Variants in SLC25A19 observed in about 807,000 individuals in gnomAD.
SLC25A19 encodes the protein solute carrier family 25 member 19, also known as mitochondrial thiamine pyrophosphate carrier.
In SLC25A19, 18 loss-of-function variants were observed where a neutral mutation model predicts 27.9. The ratio of observed to expected loss-of-function variants is 0.64; its 90% CI spans 0.45 to 0.96. SLC25A19 has a LOEUF of 0.96. Ranked by LOEUF, SLC25A19 falls within the 40% of genes least tolerant of loss-of-function variation. The pLI is 0.00. For missense variants in SLC25A19, 371 were observed against 418.3 expected, an observed-to-expected ratio of 0.89 and a Z score of 0.99; for synonymous variants, 169 against 167.1, an observed-to-expected ratio of 1.01 and a Z score of -0.09.
In SLC25A19 at chr17:75,273,288, C is replaced by T. The variant is rs183890703; in HGVS notation, c.*163G>A. On this transcript the variant is annotated 3_prime_UTR_variant, in exon 8 of 8. Coordinates refer to ENST00000416858, the MANE Select transcript of SLC25A19 (RefSeq NM_001126121.2). ...CCTCTGATTCTCTCATGGGGAGAGC[C>T]CTGGACCTTCTGGTGGTGTCCCAGC... is the stretch of plus-strand genomic sequence containing the variant. The T allele has an allele frequency of 6.1e-5, 42 of 688,786 alleles. No individual in the cohort carries two copies. In the African/African-American group the frequency reaches 6.5e-4, roughly 11 times the overall value. The allele number at this position is 688,786 out of a possible 1,614,324, so 42.7% of individuals were successfully genotyped here. A position where few individuals can be genotyped will look rare whatever the true frequency, so the allele number is the denominator to read the frequency against.
intron 4 of SLC25A19, among the ~76,000 whole-genome samples, chr17:75,286,074 G>A (rs1008276346): frequency 3.9e-5 from 6 of 152,164 alleles, no homozygotes; most frequent in African/African-American, 4.8e-5. Flanking sequence ...ACATCAAATC[G>A]GTCTCCAAGA....
At chr17:75,280,104 G>C (rs2078002365) in intron 5 of SLC25A19, among the ~76,000 whole-genome samples, 3 of 152,144 alleles carry the variant, frequency 2.0e-5, no homozygotes. Flanking sequence ...TGGTGGCTCA[G>C]CCTTGTAATC....
chr17:75,278,212 A>G lies in SLC25A19; in HGVS notation c.583T>C (p.Cys195Arg). The change falls in exon 6 of 8, where the codon TGC (cysteine) becomes CGC (arginine). Residue 195 changes from cysteine (C) to arginine (R), a missense_variant. Coordinates refer to ENST00000416858, the MANE Select transcript of SLC25A19 (RefSeq NM_001126121.2). ...TACAGGTGCTTCAAGGAGCTGTAGC[A>G]AGAGAACTGCAGCCCGGCGTAGGGG... ...IFPYAGLQFSCYSSLKHLYKW... is the reference protein window; with the variant it reads ...IFPYAGLQFSRYSSLKHLYKW... The G allele has an allele frequency of 6.2e-7, 1 of 1,614,026 alleles. No homozygotes were observed. The highest frequency in any genetic ancestry group is 8.5e-7 in the Non-Finnish European group (1 of 1,180,016).
intron 7 of SLC25A19, among the ~76,000 whole-genome samples, chr17:75,274,456 C>T (rs1040907381): frequency 6.6e-6 from 1 of 152,198 alleles, no homozygotes; most frequent in Admixed American, 6.6e-5. Context: ...GAAATCAAGT[C>T]CAAACCCCAA....
Position 75,284,633 on chromosome 17 carries a change from C to CATTTTTTTTTTTTTTTTTTTTTTTTT in SLC25A19, c.289-1041_289-1040insAAAAAAAAAAAAAAAAAAAAAAAAAT. ...GTGACCCCCTTACATTCAGATCTTT[C>CATTTTTTTTTTTTTTTTTTTTTTTTT]TTTTTTTTTTTTTTTTTTTTTTTTT... On this transcript the variant is annotated intron_variant, in intron 4 of 7. Coordinates refer to ENST00000416858, the MANE Select transcript of SLC25A19 (RefSeq NM_001126121.2). Among the ~76,000 whole-genome samples, 2 of 112,292 alleles carry CATTTTTTTTTTTTTTTTTTTTTTTTT rather than the reference C, an allele frequency of 1.8e-5. 1 individual carries two copies. Among genetic ancestry groups the CATTTTTTTTTTTTTTTTTTTTTTTTT allele is most frequent in the African/African-American group, 6.8e-5 (2 of 29,396 alleles). The allele number at this position is 112,292 out of a possible 152,430, so 73.7% of individuals were successfully genotyped here.
At chr17:75,286,586 A>G (rs749443186) in intron 3 of SLC25A19, 47 bp downstream of exon 3, 2 of 1,614,160 alleles carry the variant, frequency 1.2e-6, no homozygotes, top group Admixed American at 3.3e-5. Flanking sequence ...TGCAAGAAAG[A>G]CTGAACTTGT....
At chr17:75,275,721 G>A (rs1479206873) in intron 7 of SLC25A19, among the ~76,000 whole-genome samples, 1 of 152,170 alleles carries the variant, frequency 6.6e-6, no homozygotes, top group African/African-American at 2.4e-5. Flanking sequence ...TTGAGAGGCT[G>A]AGGCGGACGG....
rs775034752 is a variant in SLC25A19 at position 75,283,425 on chromosome 17, T to C, written c.457A>G (p.Lys153Glu). 1.2e-6 allele frequency: 2 copies of C among 1,611,926 alleles called. No individual in the cohort carries two copies. Among genetic ancestry groups the C allele is most frequent in the Non-Finnish European group, 1.7e-6 (2 of 1,179,762 alleles). Residue 153 changes from lysine (K) to glutamate (E), a missense_variant and splice_region_variant, in exon 5 of 8, where the codon AAG becomes GAG. Coordinates refer to ENST00000416858, the MANE Select transcript of SLC25A19 (RefSeq NM_001126121.2). ...CGGTCTGGCTCCTGGCCACTCACCTTGGGCTCACCCTGAGCTGCAAAGCGG... is the reference window on the plus strand; with the variant it reads ...CGGTCTGGCTCCTGGCCACTCACCTCGGGCTCACCCTGAGCTGCAAAGCGG... ...RTRFAAQGEP[K>E]VYNTLRHAVG...
At chr17:75,278,988 C>CATAAATAA (rs77182978) in intron 5 of SLC25A19, among the ~76,000 whole-genome samples, 1,948 of 146,796 alleles carry the variant, frequency 0.013, 38 homozygotes, top group African/African-American at 0.039. Flanking sequence ...GTCTCAAAAA[C>CATAAATAA]ATAAATAAAT....
At position 75,283,591 on chromosome 17, in the gene SLC25A19, G is replaced by A. The variant is rs754393241; in HGVS notation, c.291C>T (p.Phe97=). ...ILSIGYGAVQ[F]LSFEMLTELV... ...GCTCCGTCAGCATTTCAAATGACAA[G>A]AACTGCAAGAGTAAGTGAAGAAGTC... The change falls in exon 5 of 8, where the codon TTC becomes TTT. Residue 97 remains phenylalanine, a splice_region_variant and synonymous_variant. Coordinates refer to ENST00000416858, the MANE Select transcript of SLC25A19 (RefSeq NM_001126121.2). 9 of 1,612,994 alleles carry A rather than the reference G, an allele frequency of 5.6e-6. No individual in the cohort carries two copies. In the South Asian group the frequency reaches 9.9e-5, roughly 18 times the overall value.
chr17:75,275,310 A>G (rs1001989469), intron 7 of SLC25A19, among the ~76,000 whole-genome samples: 2 of 151,828 alleles, frequency 1.3e-5, no homozygotes, highest in South Asian at 2.1e-4. Context: ...TCTTTCATCT[A>G]TCTTAAATTT....
chr17:75,280,068 A>G (rs2078001280), intron 5 of SLC25A19, among the ~76,000 whole-genome samples: 1 of 152,144 alleles, frequency 6.6e-6, no homozygotes, highest in African/African-American at 2.4e-5. Context: ...GAGACAGTGG[A>G]AAAATTATTG....
At chr17:75,277,265 C>T in intron 7 of SLC25A19, 88 bp downstream of exon 7, 3 of 1,556,232 alleles carry the variant, frequency 1.9e-6, no homozygotes, top group East Asian at 4.6e-5. Flanking sequence ...GGTGATGTTG[C>T]CCAATGGGTA....
chr17:75,285,211 A>G (rs6501773), intron 4 of SLC25A19, among the ~76,000 whole-genome samples: 109,415 of 152,072 alleles, frequency 0.72, 40,354 homozygotes, highest in East Asian at 0.87. Flanking sequence ...TGATGGGATT[A>G]CAGGTGTGAG....
rs1333091874 is a variant in SLC25A19 at position 75,278,296 on chromosome 17, TATA to T, written c.496_498del (p.Tyr166del). 2 of 1,614,156 alleles carry T rather than the reference TATA, an allele frequency of 1.2e-6. No individual in the cohort carries two copies. The highest frequency in any genetic ancestry group is 2.2e-5 in the South Asian group (2 of 91,084). On this transcript the variant is annotated inframe_deletion, in exon 6 of 8. Coordinates refer to ENST00000416858, the MANE Select transcript of SLC25A19 (RefSeq NM_001126121.2). ...TAGAAAACCTGGGGGCCTTCGCTCC[TATA>T]CATGGTCCCCACGGCGTGGCGCAGC...
rs2078256547 is a variant in SLC25A19, at chr17:75,289,341, A to G, written c.-129+13T>C. On this transcript the variant is annotated intron_variant, in intron 1 of 7. Coordinates refer to ENST00000416858, the MANE Select transcript of SLC25A19 (RefSeq NM_001126121.2). ...AGAGGGCGGCGAGAAGGACGGAGGT[A>G]GAGGTTACTCACACGGCTCGGCGGG... 1 of 152,302 alleles carries G rather than the reference A, an allele frequency of 6.6e-6. No individual in the cohort carries two copies. The highest frequency in any genetic ancestry group is 2.4e-5 in the African/African-American group (1 of 41,410). The allele number at this position is 152,302 out of a possible 1,614,324, so 9.4% of individuals were successfully genotyped here.
chr17:75,275,067 C>T (rs372835194), intron 7 of SLC25A19, among the ~76,000 whole-genome samples: 4 of 142,590 alleles, frequency 2.8e-5, no homozygotes, highest in East Asian at 2.2e-4. Context: ...TAGCTCACTG[C>T]AGCCTCGAAC....
At chr17:75,274,270 G>C (rs1242871150) in intron 7 of SLC25A19, among the ~76,000 whole-genome samples, 1 of 152,028 alleles carries the variant, frequency 6.6e-6, no homozygotes, top group African/African-American at 2.4e-5. Flanking sequence ...GATCCCCCTT[G>C]GGCAGCAGAT....
intron 4 of SLC25A19, among the ~76,000 whole-genome samples, chr17:75,284,980 C>T (rs752764298): frequency 3.9e-5 from 6 of 152,088 alleles, no homozygotes; most frequent in South Asian, 4.1e-4. Flanking sequence ...GCTCAGTTGC[C>T]CAGGCTGGAG....
Sources: gnomAD v4.1 joint callset for allele counts (sites outside exome capture counted in the v4.1 genomes callset) on GRCh38, gnomAD v4.1.1 for gene constraint, MANE v1.5 for transcripts, NCBI Gene and HGNC (gene_info 2026-07-23, HGNC 2026-07-21) for gene names.